FABP12: variants seen among roughly 807,000 people sequenced by gnomAD.
FABP12 encodes fatty acid-binding protein 12.
Under a neutral mutation model 13.7 loss-of-function variants are expected in FABP12, and 19 were observed. The ratio of observed to expected loss-of-function variants is 1.39; its 90% CI spans 0.97 to 2.04. FABP12 has a LOEUF of 2.04. FABP12 is among the 30% of genes most tolerant of loss of function. FABP12 has a pLI of 0.00. For missense variants in FABP12, 182 were observed against 164.2 expected, an observed-to-expected ratio of 1.11 and a Z score of -0.59; for synonymous variants, 61 against 57.0, an observed-to-expected ratio of 1.07 and a Z score of -0.32.
intron 1 of FABP12, among the ~76,000 whole-genome samples, chr8:81,557,921 C>T (rs2130033672): frequency 6.6e-6 from 1 of 152,162 alleles, no homozygotes; most frequent in African/African-American, 2.4e-5. Context: ...AAAGTAACAC[C>T]CTGGTACTCA....
chr8:81,527,370 C>T (rs1475962601), intron 3 of FABP12, among the ~76,000 whole-genome samples: 2 of 150,944 alleles, frequency 1.3e-5, no homozygotes, highest in Non-Finnish European at 3.0e-5. Flanking sequence ...CTTTCTTTTT[C>T]TTTTTTTTTG....
At chr8:81,539,134 C>A (rs1196686039) in intron 2 of FABP12, among the ~76,000 whole-genome samples, 7 of 152,124 alleles carry the variant, frequency 4.6e-5, no homozygotes, top group African/African-American at 1.4e-4. Context: ...CAGATGTGAG[C>A]CACCAAGCCT....
intron 1 of FABP12, among the ~76,000 whole-genome samples, chr8:81,549,542 C>T (rs1044168555): frequency 3.3e-5 from 5 of 152,096 alleles, no homozygotes; most frequent in Non-Finnish European, 2.9e-5. Flanking sequence ...GAAGCAGCTA[C>T]GTAGAAACAT....
exon 3 of FABP12, chr8:81,529,605 C>T: frequency 6.2e-7 from 1 of 1,612,436 alleles, no homozygotes; most frequent in Non-Finnish European, 8.5e-7. Flanking sequence ...CTGGCTCTTC[C>T]TATACCTGGA....
At chr8:81,531,198 ATGCCCATTTT>A in intron 2 of FABP12, 35 bp downstream of exon 2, 1 of 1,336,374 alleles carries the variant, frequency 7.5e-7, no homozygotes, top group Admixed American at 1.8e-5. Context: ...TGCTATCAAA[ATGCCCATTTT>A]TACTGGATAT....
chr8:81,563,737 CAG>C (rs1253711491), intron 1 of FABP12, among the ~76,000 whole-genome samples: 1 of 151,848 alleles, frequency 6.6e-6, no homozygotes, highest in African/African-American at 2.4e-5. Context: ...ACACAGTCAA[CAG>C]AGAAAAAAGA....
chr8:81,526,720 G>T (rs1808910170), intron 4 of FABP12, among the ~76,000 whole-genome samples: 1 of 152,088 alleles, frequency 6.6e-6, no homozygotes. Flanking sequence ...TAGAGGATTG[G>T]CAACAACCCT....
chr8:81,575,212 C>A (rs1392722998), intron 1 of FABP12, among the ~76,000 whole-genome samples: 1 of 152,108 alleles, frequency 6.6e-6, no homozygotes, highest in East Asian at 1.9e-4. Flanking sequence ...GTTTTCAACC[C>A]CATGCTCATT....
chr8:81,561,426 G>A (rs564693621), intron 1 of FABP12, among the ~76,000 whole-genome samples: 1 of 152,236 alleles, frequency 6.6e-6, no homozygotes, highest in South Asian at 2.1e-4. Context: ...AGACAAAATG[G>A]CCAAATAGAA....
At chr8:81,538,588 G>A (rs1204753015), upstream of FABP12, among the ~76,000 whole-genome samples, 1 of 152,098 alleles carries the variant, frequency 6.6e-6, no homozygotes, top group East Asian at 1.9e-4. Context: ...ATAAGCCTAG[G>A]GACACCATGG....
chr8:81,568,561 A>G (rs1030698785), intron 1 of FABP12, among the ~76,000 whole-genome samples: 110 of 152,364 alleles, frequency 7.2e-4, no homozygotes, highest in African/African-American at 2.6e-3. Flanking sequence ...ACTATGGAGA[A>G]CAATATGGAG....
At chr8:81,537,845 C>G, upstream of FABP12, among the ~76,000 whole-genome samples, 1 of 152,138 alleles carries the variant, frequency 6.6e-6, no homozygotes, top group East Asian at 1.9e-4. Context: ...TGGCACTGCT[C>G]CATGCCAACA....
At chr8:81,549,891 A>T (rs968585488) in intron 1 of FABP12, among the ~76,000 whole-genome samples, 2 of 152,210 alleles carry the variant, frequency 1.3e-5, no homozygotes, top group South Asian at 2.1e-4. Flanking sequence ...TTTTGCTCAC[A>T]TACATCTTTT....
chr8:81,574,924 A>ATT (rs200754597), intron 1 of FABP12, among the ~76,000 whole-genome samples: 4 of 141,064 alleles, frequency 2.8e-5, no homozygotes, highest in African/African-American at 1.0e-4. Flanking sequence ...TATCTTTTGT[A>ATT]TTTTTTTTTT....
intron 1 of FABP12, among the ~76,000 whole-genome samples, chr8:81,549,894 C>T (rs1319445898): frequency 6.6e-6 from 1 of 152,194 alleles, no homozygotes; most frequent in Non-Finnish European, 1.5e-5. Flanking sequence ...TGCTCACATA[C>T]ATCTTTTGTC....
At chr8:81,526,599 T>C (rs1808906418) in intron 4 of FABP12, 1 of 157,646 alleles carries the variant, frequency 6.3e-6, no homozygotes, top group South Asian at 1.9e-4. Flanking sequence ...AACTCATTCA[T>C]ACACCAAAAA....
At chr8:81,553,752 C>A (rs1407933902) in intron 1 of FABP12, among the ~76,000 whole-genome samples, 2 of 152,164 alleles carry the variant, frequency 1.3e-5, no homozygotes. Context: ...CCCTTGAAGG[C>A]AAAGACCATG....
intron 1 of FABP12, among the ~76,000 whole-genome samples, chr8:81,547,873 G>T (rs573361294): frequency 9.2e-5 from 14 of 152,216 alleles, no homozygotes; most frequent in African/African-American, 2.9e-4. Context: ...ATTGATATAG[G>T]TATTGTTATT....
intron 1 of FABP12, among the ~76,000 whole-genome samples, chr8:81,579,370 AC>A (rs934352185): frequency 6.6e-6 from 1 of 152,146 alleles, no homozygotes; most frequent in African/African-American, 2.4e-5. Flanking sequence ...ACGACTGAAG[AC>A]CCATTACCAA....
Sources: gnomAD v4.1 joint callset for allele counts (sites outside exome capture counted in the v4.1 genomes callset) on GRCh38, gnomAD v4.1.1 for gene constraint, MANE v1.5 for transcripts, NCBI Gene and HGNC (gene_info 2026-07-23, HGNC 2026-07-21) for gene names.